The following ARHGEF4 variants were observed in gnomAD, a reference collection of about 807,000 sequenced individuals.
ARHGEF4 encodes the protein Rho guanine nucleotide exchange factor 4, also known as APC-stimulated guanine nucleotide exchange factor 1.
Under a neutral mutation model 162.0 loss-of-function variants are expected in ARHGEF4, and 119 were observed. The observed-to-expected ratio is 0.73, with a 90% CI of 0.63 to 0.86. ARHGEF4 has a LOEUF of 0.86. Among genes scored for constraint, ARHGEF4 ranks in the 40% least tolerant of loss-of-function variants. ARHGEF4 has a pLI of 0.00. For missense variants in ARHGEF4, 2,488 were observed against 2,456.0 expected (o/e 1.01, Z -0.28); for synonymous variants, 1,014 against 979.9 (o/e 1.03, Z -0.65).
rs1681525524 is a variant in ARHGEF4, at chr2:130,916,779, A to C, written c.2833A>C (p.Ser945Arg). 5.2e-6 allele frequency: 8 copies of C among 1,550,514 alleles called. No homozygotes were observed. The highest frequency in any genetic ancestry group is 7.0e-6 in the Non-Finnish European group (8 of 1,147,046). ...PSSPKGEKEK[S>R]RLRQGSWRAF... is the part of the protein sequence containing the mutation. ...TTCTCCCAAGGGCGAGAAGGAGAAG[A>C]GCAGGCTGCGCCAGGGTTCCTGGCG... The change falls in exon 2 of 14, where the codon AGC (serine) becomes CGC (arginine). Residue 945 changes from serine to arginine, a missense_variant. Around this residue, in one of 6 missense-constraint regions of ARHGEF4, gnomAD observed 1,642 missense variants for 1,481.5 expected, o/e 1.11. Coordinates refer to ENST00000409359, the MANE Select transcript of ARHGEF4 (RefSeq NM_001367493.1).
Position 131,032,193 on chromosome 2 carries a change from C to T in ARHGEF4, c.4125+4109C>T, listed in dbSNP as rs562803873. 3.9e-5 allele frequency among the ~76,000 whole-genome samples: 6 copies of T among 152,032 alleles called. No individual in the cohort carries two copies. In the South Asian group the frequency reaches 1.2e-3, roughly 32 times the overall value. On this transcript the variant is annotated intron_variant, in intron 5 of 13. Coordinates refer to ENST00000409359, the MANE Select transcript of ARHGEF4 (RefSeq NM_001367493.1). ...CTGGCGCACTGATAGGCATCAGGCT[C>T]CTCTGTGGGGCCGAGGAGGGGGAAC... is the stretch of plus-strand genomic sequence containing the variant.
intron 4 of ARHGEF4, among the ~76,000 whole-genome samples, chr2:130,997,057 A>G (rs1012307470): frequency 2.0e-5 from 3 of 152,158 alleles, no homozygotes; most frequent in Non-Finnish European, 2.9e-5. Flanking sequence ...AGCAATCACT[A>G]TTGCTGGTTT....
chr2:130,840,724 G>C (rs1558993485), intron 1 of ARHGEF4, among the ~76,000 whole-genome samples: 1 of 152,192 alleles, frequency 6.6e-6, no homozygotes, highest in Non-Finnish European at 1.5e-5. Flanking sequence ...GCCTGCATGC[G>C]CCACTGCCTC....
intron 4 of ARHGEF4, among the ~76,000 whole-genome samples, chr2:130,983,681 G>T (rs1383029304): frequency 6.6e-6 from 1 of 150,412 alleles, no homozygotes; most frequent in Non-Finnish European, 1.5e-5. Context: ...ATGGAGTCTT[G>T]CTCTGTTGCC....
At chr2:130,843,843 A>AG (rs1410691506) in intron 1 of ARHGEF4, among the ~76,000 whole-genome samples, 1 of 152,134 alleles carries the variant, frequency 6.6e-6, no homozygotes, top group South Asian at 2.1e-4. Flanking sequence ...TCAGAGCCCC[A>AG]GGGGGGCCCT....
At chr2:131,008,731 CAT>C (rs1236563357) in intron 4 of ARHGEF4, among the ~76,000 whole-genome samples, 1 of 151,964 alleles carries the variant, frequency 6.6e-6, no homozygotes, top group Non-Finnish European at 1.5e-5. Flanking sequence ...TTTATATATA[CAT>C]GTGTATATAT....
intron 4 of ARHGEF4, among the ~76,000 whole-genome samples, chr2:130,948,665 A>G (rs1223901275): frequency 6.6e-6 from 1 of 152,258 alleles, no homozygotes. Context: ...TATGCATACC[A>G]AGGGCAATGC....
At chr2:130,987,758 C>T (rs1056883626) in intron 4 of ARHGEF4, among the ~76,000 whole-genome samples, 34 of 152,152 alleles carry the variant, frequency 2.2e-4, no homozygotes, top group African/African-American at 7.5e-4. Context: ...GTGAGCTAGG[C>T]CAAGGCCAGG....
chr2:130,855,756 C>T (rs1681732499), intron 1 of ARHGEF4, among the ~76,000 whole-genome samples: 1 of 152,110 alleles, frequency 6.6e-6, no homozygotes, highest in African/African-American at 2.4e-5. Flanking sequence ...ATGAAATGTG[C>T]AGTTTGAATA....
At chr2:130,938,886 G>T (rs925091527) in intron 3 of ARHGEF4, among the ~76,000 whole-genome samples, 1 of 152,116 alleles carries the variant, frequency 6.6e-6, no homozygotes, top group African/African-American at 2.4e-5. Flanking sequence ...ATTTAAGTTT[G>T]TGATTGATTT....
At chr2:131,023,750 C>T (rs1485003609) in intron 4 of ARHGEF4, among the ~76,000 whole-genome samples, 2 of 152,186 alleles carry the variant, frequency 1.3e-5, no homozygotes, top group African/African-American at 4.8e-5. Flanking sequence ...AGTAATTACA[C>T]TCCTGGGCAT....
chr2:130,845,985 T>C (rs942840624), intron 1 of ARHGEF4, among the ~76,000 whole-genome samples: 3 of 152,182 alleles, frequency 2.0e-5, no homozygotes, highest in Non-Finnish European at 4.4e-5. Flanking sequence ...TGCTGCTGAC[T>C]GTGCACCGGT....
At chr2:131,007,001 A>G (rs751323214) in intron 4 of ARHGEF4, among the ~76,000 whole-genome samples, 7 of 152,224 alleles carry the variant, frequency 4.6e-5, no homozygotes, top group Non-Finnish European at 7.3e-5. Flanking sequence ...TCACAATGAC[A>G]TACATCTTCC....
At chr2:130,894,565 AGAG>A (rs1422097697) in intron 1 of ARHGEF4, among the ~76,000 whole-genome samples, 1 of 152,194 alleles carries the variant, frequency 6.6e-6, no homozygotes, top group African/African-American at 2.4e-5. Context: ...GGAAGGGTGG[AGAG>A]GAGATTTCAC....
At chr2:130,931,891 C>T (rs960185222) in intron 3 of ARHGEF4, among the ~76,000 whole-genome samples, 2 of 152,172 alleles carry the variant, frequency 1.3e-5, no homozygotes, top group African/African-American at 4.8e-5. Flanking sequence ...TCACCTCATC[C>T]TTGAAGACTC....
At chr2:130,954,890 C>T (rs1684175751) in intron 4 of ARHGEF4, among the ~76,000 whole-genome samples, 2 of 152,038 alleles carry the variant, frequency 1.3e-5, no homozygotes, top group African/African-American at 4.8e-5. Flanking sequence ...CTTTTTCTCT[C>T]TCTTTCTGAT....
Position 131,041,824 on chromosome 2 carries a change from G to C in ARHGEF4, c.4905G>C (p.Lys1635Asn). 6.2e-7 allele frequency: 1 copy of C among 1,613,312 alleles called. No homozygotes were observed. Among genetic ancestry groups the C allele is most frequent in the Non-Finnish European group, 8.5e-7 (1 of 1,179,984 alleles). ...CTCTGTTCTGCCCCAGGGACTTCAA[G>C]GATGTTGAAGCCGCCTTGCATGCCA... ...KYTHPQHRDF[K>N]DVEAALHAMK... The change falls in exon 10 of 14, where the codon AAG (lysine) becomes AAC (asparagine). Residue 1635 changes from lysine to asparagine, a missense_variant. Lys to Asn is a moderately conservative substitution (Grantham distance 94). Around this residue, in one of 6 missense-constraint regions of ARHGEF4, gnomAD observed 415 missense variants for 512.4 expected, o/e 0.81. Transcript: ENST00000409359.
At chr2:130,957,030 A>G (rs1684326191) in intron 4 of ARHGEF4, among the ~76,000 whole-genome samples, 1 of 152,136 alleles carries the variant, frequency 6.6e-6, no homozygotes, top group African/African-American at 2.4e-5. Flanking sequence ...ACCCTAAGAA[A>G]AAAGTTAAAC....
intron 4 of ARHGEF4, among the ~76,000 whole-genome samples, chr2:130,994,653 CACCTT>C (rs1261065170): frequency 6.6e-6 from 1 of 152,158 alleles, no homozygotes; most frequent in African/African-American, 2.4e-5. Context: ...CCTGAATCTC[CACCTT>C]CCTGTCGGGG....
Sources: allele counts gnomAD v4.1 joint callset (sites outside exome capture counted in the v4.1 genomes callset), GRCh38; gene constraint gnomAD v4.1.1; regional missense constraint gnomAD v4.1.1; transcripts MANE v1.5; gene names NCBI Gene and HGNC (gene_info 2026-07-23, HGNC 2026-07-21).